The following FKBP11 variants were observed in gnomAD, a reference collection of about 807,000 sequenced individuals.
FKBP11 encodes FKBP prolyl isomerase 11, also known as peptidyl-prolyl cis-trans isomerase FKBP11.
In FKBP11, 21 loss-of-function variants were observed where a neutral mutation model predicts 24.7. The observed-to-expected ratio is 0.85, with a 90% CI of 0.60 to 1.23. FKBP11 has a LOEUF of 1.23. Among genes scored for constraint, FKBP11 ranks in the 50% most tolerant of loss-of-function variants. FKBP11 has a pLI of 0.00. For synonymous variants in FKBP11, 106 were observed against 100.6 expected, an observed-to-expected ratio of 1.05 and a Z score of -0.32; for missense variants, 245 against 248.7, an observed-to-expected ratio of 0.99 and a Z score of 0.10.
chr12:48,924,764 T>G, intron 2 of FKBP11, 116 bp from the exon 3 acceptor site: 1 of 1,518,032 alleles, frequency 6.6e-7, no homozygotes, highest in East Asian at 2.4e-5. Context: ...CAGCCTAGCG[T>G]TCCCCTTACC....
chr12:48,925,095 G>C lies in FKBP11; in HGVS notation c.146C>G (p.Pro49Arg). 1 of 1,613,644 alleles carries C rather than the reference G, an allele frequency of 6.2e-7. No homozygotes were observed. ...QVETLVEPPE[P>R]CAEPAAFGDT... is the part of the protein sequence containing the mutation. ...TCCAAAAGCAGCGGGCTCGGCACAT[G>C]GTTCTGGGGGCTCCACCTACGATCG... The change falls in exon 2 of 6, where the codon CCA (proline) becomes CGA (arginine). Residue 49 changes from proline to arginine, a missense_variant. Pro to Arg is a moderately radical substitution (Grantham distance 103, BLOSUM62 -2). Transcript: ENST00000550765.
chr12:48,929,134 T>C (rs1405257655), upstream of FKBP11, among the ~76,000 whole-genome samples: 4 of 150,958 alleles, frequency 2.6e-5, no homozygotes, highest in African/African-American at 9.7e-5. Flanking sequence ...GCCTTTAAAC[T>C]TCTATCTTGT....
the FKBP11 span, chr12:48,931,563 T>C: frequency 8.7e-7 from 1 of 1,146,970 alleles, no homozygotes; most frequent in African/African-American, 1.5e-5. Flanking sequence ...TACAACTTAA[T>C]CACAGAACCA....
the FKBP11 span, among the ~76,000 whole-genome samples, chr12:48,932,992 G>A: frequency 3.3e-5 from 5 of 152,288 alleles, no homozygotes; most frequent in Admixed American, 3.3e-4. Flanking sequence ...TCAGAAGCCG[G>A]AAGTGCTCCT....
Position 48,922,923 on chromosome 12 carries a change from C to T in FKBP11, c.389-722G>A, listed in dbSNP as rs879053234. On this transcript the variant is annotated intron_variant, in intron 5 of 5. Coordinates refer to ENST00000550765, the MANE Select transcript of FKBP11 (RefSeq NM_016594.3). ...CCGCACTTTGGGAAGCCAAGGCAGGCGGATCACCTGAGGTTGGGAGTTTGA... is the reference window on the plus strand; with the variant it reads ...CCGCACTTTGGGAAGCCAAGGCAGGTGGATCACCTGAGGTTGGGAGTTTGA... The T allele has an allele frequency of 3.0e-5, 31 of 1,031,358 alleles. No homozygotes were observed. The South Asian group carries it at 6.6e-4, about 22-fold the overall frequency. 63.9% of individuals were successfully genotyped at this position (1,031,358 alleles called of 1,614,324 possible).
At chr12:48,931,429 T>G, upstream of FKBP11, 7 of 1,536,138 alleles carry the variant, frequency 4.6e-6, no homozygotes, top group Non-Finnish European at 6.1e-6. Flanking sequence ...CAAGCCCATC[T>G]GCACCCTGGA....
the FKBP11 span, chr12:48,931,655 C>T: frequency 3.4e-6 from 2 of 586,270 alleles, no homozygotes; most frequent in African/African-American, 1.9e-5. Flanking sequence ...GCTTCCAAGA[C>T]TCATGGGGCA....
chr12:48,932,227 T>TTATATATATAAACATATATTTATA, the FKBP11 span, among the ~76,000 whole-genome samples: 1 of 37,742 alleles, frequency 2.6e-5, no homozygotes, highest in Non-Finnish European at 4.5e-5. Context: ...AAACATATAT[T>TTATATATATAAACATATATTTATA]TATATATATA....
chr12:48,923,962 C>T lies in FKBP11; in HGVS notation c.318-110G>A, dbSNP rs370489379. 2.0e-4 allele frequency: 232 copies of T among 1,140,700 alleles called. 4 individuals carry two copies. In the South Asian group the frequency reaches 2.8e-3, roughly 14 times the overall value. 70.7% of individuals were successfully genotyped at this position (1,140,700 alleles called of 1,614,324 possible). A position where few individuals can be genotyped will look rare whatever the true frequency, so the allele number is the denominator to read the frequency against. ...CCCCTGAATCTTCACACCCAAAACA[C>T]GAATTTTTCCACCTGAACACCAAAC... On this transcript the variant is annotated intron_variant, in intron 4 of 5. Coordinates refer to ENST00000550765, the MANE Select transcript of FKBP11 (RefSeq NM_016594.3).
chr12:48,931,264 C>A (rs772945281), upstream of FKBP11: 3 of 617,698 alleles, frequency 4.9e-6, no homozygotes, highest in Admixed American at 8.9e-5. Flanking sequence ...TATCAGCAGA[C>A]TCGAACAGTG....
chr12:48,925,425 T>C lies in FKBP11; in HGVS notation c.4A>G (p.Thr2Ala). 1 of 1,565,630 alleles carries C rather than the reference T, an allele frequency of 6.4e-7. No homozygotes were observed. Among genetic ancestry groups the C allele is most frequent in the East Asian group, 2.3e-5 (1 of 42,986 alleles). The change falls in exon 1 of 6, where the codon ACC becomes GCC. Residue 2 changes from threonine (T) to alanine (A), a missense_variant. Transcript: ENST00000550765. M[T>A]LRPSLLPLHL... is the part of the protein sequence containing the mutation. ...AGCGGGAGGAGTGAGGGGCGCAGGG[T>C]CATGACTGGGCGCGGGGCAGGGAGC...
At chr12:48,925,612 G>A, upstream of FKBP11, 2 of 733,228 alleles carry the variant, frequency 2.7e-6, no homozygotes, top group Non-Finnish European at 4.4e-6. Context: ...GGAGGCCGAG[G>A]GGCGCCCTCT....
chr12:48,928,921 C>T (rs1167618923), upstream of FKBP11, among the ~76,000 whole-genome samples: 41 of 145,532 alleles, frequency 2.8e-4, no homozygotes. Context: ...CTCCCGGGTT[C>T]ACGCCATTCT....
the FKBP11 span, among the ~76,000 whole-genome samples, chr12:48,935,434 A>C: frequency 6.6e-6 from 1 of 152,164 alleles, no homozygotes; most frequent in Non-Finnish European, 1.5e-5. Flanking sequence ...GCTTAAGAAA[A>C]TATTAAGATT....
chr12:48,927,268 G>A (rs967289940), upstream of FKBP11, among the ~76,000 whole-genome samples: 5 of 151,964 alleles, frequency 3.3e-5, no homozygotes, highest in African/African-American at 1.2e-4. Context: ...AGTCTCTCCA[G>A]CTCTTCCCTT....
chr12:48,926,901 C>G (rs1325989563), upstream of FKBP11, among the ~76,000 whole-genome samples: 2 of 152,176 alleles, frequency 1.3e-5, no homozygotes, highest in Non-Finnish European at 2.9e-5. Context: ...CCTCCACCTC[C>G]CGGGTTCAAG....
At chr12:48,925,674 C>G, upstream of FKBP11, 3 of 572,352 alleles carry the variant, frequency 5.2e-6, no homozygotes, top group East Asian at 8.6e-5. Flanking sequence ...GTTAGACGTT[C>G]TGTCCTATAA....
the FKBP11 span, among the ~76,000 whole-genome samples, chr12:48,932,340 T>TG: frequency 7.7e-6 from 1 of 130,606 alleles, no homozygotes; most frequent in Non-Finnish European, 1.6e-5. Flanking sequence ...CTCAAACTCC[T>TG]GGGCTCAAGC....
At chr12:48,925,990 C>G (rs898741981), upstream of FKBP11, 2 of 153,544 alleles carry the variant, frequency 1.3e-5, no homozygotes, top group Non-Finnish European at 2.9e-5. Flanking sequence ...TCTCCGACCT[C>G]CAGCTACTTC....
Sources: allele counts gnomAD v4.1 joint callset (sites outside exome capture counted in the v4.1 genomes callset), GRCh38; gene constraint gnomAD v4.1.1; transcripts MANE v1.5; gene names NCBI Gene and HGNC (gene_info 2026-07-23, HGNC 2026-07-21).